TSGA13: variants seen among roughly 807,000 people sequenced by gnomAD.
TSGA13 encodes the protein testis-specific gene 13 protein.
Under a neutral mutation model 35.1 loss-of-function variants are expected in TSGA13, and 37 were observed. The observed-to-expected ratio is 1.05, with a 90% CI of 0.81 to 1.39. TSGA13 has a LOEUF of 1.39. TSGA13 is among the 40% of genes most tolerant of loss of function. The pLI, the probability that TSGA13 is intolerant of heterozygous loss-of-function variation, is 0.00. For missense variants in TSGA13, 338 were observed against 328.5 expected, an observed-to-expected ratio of 1.03 and a Z score of -0.22; for synonymous variants, 124 against 121.2, an observed-to-expected ratio of 1.02 and a Z score of -0.15.
In TSGA13 at chr7:130,668,963, C is replaced by A; in HGVS notation, c.*51G>T. ...GGTTTTATTTGGGTGGCGACTTCTG[C>A]GGACCCCTCAGTCTCAAGAGAGCGA... On this transcript the variant is annotated 3_prime_UTR_variant, in exon 8 of 8. Transcript: ENST00000356588. The A allele has an allele frequency of 6.3e-7, 1 of 1,578,820 alleles. No individual in the cohort carries two copies. The highest frequency in any genetic ancestry group is 1.1e-5 in the South Asian group (1 of 87,692).
intron 7 of TSGA13, among the ~76,000 whole-genome samples, chr7:130,671,066 G>A (rs1395457124): frequency 6.6e-6 from 1 of 152,078 alleles, no homozygotes; most frequent in African/African-American, 2.4e-5. Flanking sequence ...TGTACCCTCT[G>A]CCATACAACC....
chr7:130,682,593 T>G (rs1221375270), intron 3 of TSGA13, among the ~76,000 whole-genome samples: 7 of 152,122 alleles, frequency 4.6e-5, no homozygotes, highest in African/African-American at 1.7e-4. Context: ...GGAGGCAGTA[T>G]GGTAAGGTGG....
intron 5 of TSGA13, among the ~76,000 whole-genome samples, chr7:130,678,908 C>T (rs1275820275): frequency 6.6e-6 from 1 of 152,080 alleles, no homozygotes; most frequent in Admixed American, 6.5e-5. Flanking sequence ...ACACCTGTAG[C>T]CCCAGCTACT....
upstream of TSGA13, chr7:130,686,853 T>G (rs2095920954): frequency 6.6e-6 from 1 of 152,212 alleles, no homozygotes; most frequent in African/African-American, 2.4e-5. Flanking sequence ...CCCCAATCTC[T>G]TCAGCCATTT....
chr7:130,677,627 G>A (rs1415533036), intron 5 of TSGA13, among the ~76,000 whole-genome samples: 2 of 152,048 alleles, frequency 1.3e-5, no homozygotes, highest in Non-Finnish European at 2.9e-5. Flanking sequence ...GTTTCACCAT[G>A]TTGGCCAAGC....
chr7:130,674,987 T>C (rs532280507), intron 5 of TSGA13, among the ~76,000 whole-genome samples: 89 of 152,264 alleles, frequency 5.8e-4, no homozygotes, highest in African/African-American at 2.1e-3. Context: ...AGAGCACATG[T>C]GCCTAATAAC....
At chr7:130,683,460 T>C in intron 3 of TSGA13, 134 bp downstream of exon 3, 1 of 706,120 alleles carries the variant, frequency 1.4e-6, no homozygotes, top group East Asian at 2.9e-5. Flanking sequence ...ATTTGACAAG[T>C]TAACCTTGTT....
chr7:130,676,080 A>G (rs1796404828), intron 5 of TSGA13, among the ~76,000 whole-genome samples: 1 of 152,234 alleles, frequency 6.6e-6, no homozygotes, highest in Non-Finnish European at 1.5e-5. Context: ...TATCTAGTAC[A>G]TTCCATAACT....
At chr7:130,681,830 T>G (rs12113044) in intron 3 of TSGA13, among the ~76,000 whole-genome samples, 5,476 of 152,256 alleles carry the variant, frequency 0.036, 319 homozygotes, top group African/African-American at 0.12. Context: ...AACACAAGGA[T>G]ATAAAAGCTC....
chr7:130,676,748 A>G (rs1486969060), intron 5 of TSGA13, among the ~76,000 whole-genome samples: 3 of 152,196 alleles, frequency 2.0e-5, no homozygotes, highest in African/African-American at 7.2e-5. Context: ...ATTTTATTAT[A>G]AGGGTCTCAC....
At chr7:130,676,032 A>C (rs780599211) in intron 5 of TSGA13, among the ~76,000 whole-genome samples, 2 of 152,224 alleles carry the variant, frequency 1.3e-5, no homozygotes, top group Non-Finnish European at 2.9e-5. Context: ...AGTTTCACTT[A>C]GAAGGGGCTG....
chr7:130,670,422 C>G (rs1285625662), intron 7 of TSGA13, among the ~76,000 whole-genome samples: 2 of 151,990 alleles, frequency 1.3e-5, no homozygotes, highest in East Asian at 1.9e-4. Flanking sequence ...GGAGAGAAAC[C>G]CAGTAGGAGA....
chr7:130,680,782 T>C (rs1461312662), intron 4 of TSGA13, among the ~76,000 whole-genome samples, 164 bp downstream of exon 4: 1 of 152,156 alleles, frequency 6.6e-6, no homozygotes, highest in Non-Finnish European at 1.5e-5. Context: ...CAGCACTGCC[T>C]CTGGCATCAT....
At chr7:130,680,024 C>T (rs556045247) in intron 4 of TSGA13, among the ~76,000 whole-genome samples, 1 of 152,184 alleles carries the variant, frequency 6.6e-6, no homozygotes, top group African/African-American at 2.4e-5. Context: ...GGCCTTGTCT[C>T]TACAACTCTC....
chr7:130,679,249 A>G lies in TSGA13; in HGVS notation c.293T>C (p.Ile98Thr), dbSNP rs1554464667. 2 of 1,614,190 alleles carry G rather than the reference A, an allele frequency of 1.2e-6. No homozygotes were observed. The highest frequency in any genetic ancestry group is 3.3e-5 in the Admixed American group (2 of 60,024). The change falls in exon 5 of 8, where the codon ATT becomes ACT. Residue 98 changes from isoleucine (I) to threonine (T), a missense_variant. Transcript: ENST00000356588. ...TQYDQDKTLLIMTNNPPPCSI... is the reference protein window; with the variant it reads ...TQYDQDKTLLTMTNNPPPCSI... ...GCAGGGAGGTGGGTTGTTGGTCATA[A>G]TCAGTAACGTCTTATCCTGGTCATA...
At chr7:130,672,565 T>C (rs1365742226) in intron 6 of TSGA13, among the ~76,000 whole-genome samples, 169 bp downstream of exon 6, 2 of 152,224 alleles carry the variant, frequency 1.3e-5, no homozygotes, top group African/African-American at 4.8e-5. Flanking sequence ...GCATGACTGT[T>C]TCTCTTTGAT....
chr7:130,685,101 C>T, intron 2 of TSGA13, 87 bp downstream of exon 2: 1 of 1,303,696 alleles, frequency 7.7e-7, no homozygotes, highest in East Asian at 2.3e-5. Context: ...TACTCTGTGA[C>T]CAGCACCATT....
Position 130,668,997 on chromosome 7 carries a change from G to A in TSGA13, c.*17C>T, listed in dbSNP as rs1796177517. 6.2e-7 allele frequency: 1 copy of A among 1,613,124 alleles called. No individual in the cohort carries two copies. Among genetic ancestry groups the A allele is most frequent in the Non-Finnish European group, 8.5e-7 (1 of 1,179,600 alleles). On this transcript the variant is annotated 3_prime_UTR_variant, in exon 8 of 8. Coordinates refer to ENST00000356588, the MANE Select transcript of TSGA13 (RefSeq NM_052933.4). ...CAGTCTCAAGAGAGCGAGGCGGGAG[G>A]ACTGAGGGGTCTGTGTTCACCCGAT...
chr7:130,677,929 T>C (rs1796451049), intron 5 of TSGA13, among the ~76,000 whole-genome samples: 1 of 152,246 alleles, frequency 6.6e-6, no homozygotes, highest in Non-Finnish European at 1.5e-5. Flanking sequence ...ATACCTCATT[T>C]ATTGATCTTT....
Sources: allele counts gnomAD v4.1 joint callset (sites outside exome capture counted in the v4.1 genomes callset), GRCh38; gene constraint gnomAD v4.1.1; transcripts MANE v1.5; gene names NCBI Gene and HGNC (gene_info 2026-07-23, HGNC 2026-07-21).